Variants in XKR4 observed in about 807,000 individuals in gnomAD.
The protein encoded by XKR4 is XK related 4, also known as XK-related protein 4.
Under a neutral mutation model 53.9 loss-of-function variants are expected in XKR4, and 12 were observed. The observed-to-expected ratio is 0.22, with a 90% confidence interval of 0.14 to 0.36. The LOEUF (loss-of-function observed/expected upper bound fraction) is 0.36. Among genes scored for constraint, XKR4 ranks in the 10% least tolerant of loss-of-function variants. XKR4 has a pLI of 1.00. For synonymous variants in XKR4, 354 were observed against 362.4 expected (o/e 0.98, Z 0.26); for missense variants, 799 against 859.5 (o/e 0.93, Z 0.88).
In XKR4 at chr8:55,438,552, T is replaced by C. The variant is rs150294585; in HGVS notation, c.1006+80675T>C. 1.7e-3 allele frequency among the ~76,000 whole-genome samples: 231 copies of C among 133,876 alleles called. 4 individuals are homozygous for C. The East Asian group carries it at 0.044, about 26-fold the overall frequency. 87.8% of individuals were successfully genotyped at this position (133,876 alleles called of 152,430 possible). A position where few individuals can be genotyped will look rare whatever the true frequency, so the allele number is the denominator to read the frequency against. On this transcript the variant is annotated intron_variant, in intron 2 of 2. Coordinates refer to ENST00000327381, the MANE Select transcript of XKR4 (RefSeq NM_052898.2). Reference sequence around the variant, plus strand: ...TAGCAGTGAGCCGAGATTGTGCCACTGCACTCCAGCCTAGGTGACAGAGCA... The same window carrying C: ...TAGCAGTGAGCCGAGATTGTGCCACCGCACTCCAGCCTAGGTGACAGAGCA...
intron 2 of XKR4, among the ~76,000 whole-genome samples, chr8:55,477,433 A>T (rs1806011573): frequency 1.3e-5 from 2 of 152,146 alleles, no homozygotes; most frequent in African/African-American, 4.8e-5. Context: ...GACCAAAAGT[A>T]GATAAAACCA....
chr8:55,161,674 G>T, intron 1 of XKR4: 1 of 454,734 alleles, frequency 2.2e-6, no homozygotes, highest in Non-Finnish European at 4.4e-6. Flanking sequence ...GTGTTTAGAA[G>T]TACCTGGTAC....
chr8:55,308,387 C>T (rs112482406), intron 1 of XKR4, among the ~76,000 whole-genome samples: 101 of 151,828 alleles, frequency 6.7e-4, no homozygotes, highest in African/African-American at 2.3e-3. Flanking sequence ...TGGTGGAAGG[C>T]AAAACAGTCA....
At chr8:55,169,563 A>G (rs1421083021) in intron 1 of XKR4, among the ~76,000 whole-genome samples, 2 of 152,200 alleles carry the variant, frequency 1.3e-5, no homozygotes, top group Non-Finnish European at 2.9e-5. Flanking sequence ...ATGTAGGGGT[A>G]CCAGGTTGGC....
At chr8:55,427,914 T>C (rs1464591291) in intron 2 of XKR4, among the ~76,000 whole-genome samples, 2 of 152,184 alleles carry the variant, frequency 1.3e-5, no homozygotes, top group Admixed American at 6.5e-5. Flanking sequence ...GATGAGCTCA[T>C]TGAGACCAAC....
At chr8:55,205,703 C>T (rs1056872027) in intron 1 of XKR4, among the ~76,000 whole-genome samples, 1 of 152,082 alleles carries the variant, frequency 6.6e-6, no homozygotes, top group Non-Finnish European at 1.5e-5. Flanking sequence ...TTTGATAAAA[C>T]ATTAGATGTG....
At chr8:55,300,642 G>C (rs1819178928) in intron 1 of XKR4, among the ~76,000 whole-genome samples, 1 of 152,134 alleles carries the variant, frequency 6.6e-6, no homozygotes, top group African/African-American at 2.4e-5. Context: ...CTTACACAAG[G>C]GGGAGGAGCA....
intron 1 of XKR4, among the ~76,000 whole-genome samples, chr8:55,253,610 G>A (rs1408535079): frequency 1.3e-5 from 2 of 152,186 alleles, no homozygotes; most frequent in Non-Finnish European, 2.9e-5. Flanking sequence ...TTTAATGCAG[G>A]CAGCAAGTCA....
intron 2 of XKR4, among the ~76,000 whole-genome samples, chr8:55,464,085 C>T (rs1363167119): frequency 2.0e-5 from 3 of 152,198 alleles, no homozygotes; most frequent in Admixed American, 1.3e-4. Context: ...GAAACTATTC[C>T]AATCTATAGA....
At chr8:55,231,558 C>T (rs1818041432) in intron 1 of XKR4, among the ~76,000 whole-genome samples, 1 of 152,148 alleles carries the variant, frequency 6.6e-6, no homozygotes, top group South Asian at 2.1e-4. Context: ...CCATCCTTCC[C>T]ACACAACTAA....
chr8:55,308,082 G>A (rs527555314), intron 1 of XKR4, among the ~76,000 whole-genome samples: 28 of 151,934 alleles, frequency 1.8e-4, no homozygotes, highest in African/African-American at 5.8e-4. Flanking sequence ...GTGAAACCCC[G>A]TCTCTACTAA....
Position 55,379,469 on chromosome 8 carries a change from T to G in XKR4, c.1006+21592T>G, listed in dbSNP as rs79793109. ...AAGCTAGAAACATCCTCTTTCCTCA[T>G]GCATTCAACGCGTTTTTGCAGAATG... is the stretch of plus-strand genomic sequence containing the variant. On this transcript the variant is annotated intron_variant, in intron 2 of 2. Transcript: ENST00000327381. Among the ~76,000 whole-genome samples the G allele has an allele frequency of 8.0e-3, 1,225 of 152,366 alleles. 15 individuals carry two copies. The highest frequency in any genetic ancestry group is 0.027 in the African/African-American group (1,143 of 41,580).
chr8:55,534,090 T>A lies in XKR4; in HGVS notation c.*9863T>A, dbSNP rs1398464656. The A allele has an allele frequency of 6.6e-6, 1 of 152,206 alleles. No homozygotes were observed. The highest frequency in any genetic ancestry group is 2.4e-5 in the African/African-American group (1 of 41,442). 9.4% of individuals were successfully genotyped at this position (152,206 alleles called of 1,614,324 possible). On this transcript the variant is annotated 3_prime_UTR_variant, in exon 3 of 3. Coordinates refer to ENST00000327381, the MANE Select transcript of XKR4 (RefSeq NM_052898.2). ...GCACTGTCATCTGTTGAATAATTGATCTGTCTGAGTACAGTTGCTGCTTTT... is the reference window on the plus strand; with the variant it reads ...GCACTGTCATCTGTTGAATAATTGAACTGTCTGAGTACAGTTGCTGCTTTT...
chr8:55,411,545 G>A (rs1804778602), intron 2 of XKR4, among the ~76,000 whole-genome samples: 1 of 152,230 alleles, frequency 6.6e-6, no homozygotes, highest in Admixed American at 6.5e-5. Context: ...AGGTTGGAAT[G>A]TTTCTGCTGG....
At chr8:55,141,413 C>T (rs551025552) in intron 1 of XKR4, among the ~76,000 whole-genome samples, 2 of 152,184 alleles carry the variant, frequency 1.3e-5, no homozygotes, top group African/African-American at 4.8e-5. Flanking sequence ...CTCCTCTGCC[C>T]TCCTCCTCCT....
rs75150749 is a variant in XKR4 at position 55,290,425 on chromosome 8, T to G, written c.807-67253T>G. 3.7e-3 allele frequency among the ~76,000 whole-genome samples: 560 copies of G among 152,220 alleles called. 5 individuals are homozygous for G. Among genetic ancestry groups the G allele is most frequent in the African/African-American group, 0.012 (507 of 41,534 alleles). ...GATTACAGGCACGAGCCACTTTATT[T>G]TATTTTATTTTAAGTTCTGGGATAC... On this transcript the variant is annotated intron_variant, in intron 1 of 2. Coordinates refer to ENST00000327381, the MANE Select transcript of XKR4 (RefSeq NM_052898.2).
chr8:55,385,519 A>G (rs182231575), intron 2 of XKR4, among the ~76,000 whole-genome samples: 285 of 152,316 alleles, frequency 1.9e-3, no homozygotes, highest in Admixed American at 4.4e-3. Flanking sequence ...CTGTATCTAT[A>G]GCTTCTACAG....
chr8:55,259,509 C>G lies in XKR4; in HGVS notation c.807-98169C>G, dbSNP rs114367298. Among the ~76,000 whole-genome samples, 474 of 152,164 alleles carry G rather than the reference C, an allele frequency of 3.1e-3. 1 individual carries two copies. The highest frequency in any genetic ancestry group is 0.011 in the African/African-American group (464 of 41,500). On this transcript the variant is annotated intron_variant, in intron 1 of 2. Coordinates refer to ENST00000327381, the MANE Select transcript of XKR4 (RefSeq NM_052898.2). Reference sequence around the variant, plus strand: ...AGAAGTGGTGAGGTTGGGGTTTGCCCTTCGTTGTAACTGACTCCAGAGCCC... The same window carrying G: ...AGAAGTGGTGAGGTTGGGGTTTGCCGTTCGTTGTAACTGACTCCAGAGCCC...
rs546906060 is a variant in XKR4, at chr8:55,357,445, A to G, written c.807-233A>G. Among the ~76,000 whole-genome samples the G allele has an allele frequency of 3.2e-4, 48 of 152,300 alleles. 1 individual carries two copies. The highest frequency in any genetic ancestry group is 2.3e-3 in the South Asian group (11 of 4,822). On this transcript the variant is annotated intron_variant, in intron 1 of 2. Coordinates refer to ENST00000327381, the MANE Select transcript of XKR4 (RefSeq NM_052898.2). ...CCACCTCACGCTTCTTCATATTGCA[A>G]TTGAGCAGAAGGTCTTTATGAGGAC... is the stretch of plus-strand genomic sequence containing the variant.
Sources: gnomAD v4.1 joint callset for allele counts (sites outside exome capture counted in the v4.1 genomes callset) on GRCh38, gnomAD v4.1.1 for gene constraint, MANE v1.5 for transcripts, NCBI Gene and HGNC (gene_info 2026-07-23, HGNC 2026-07-21) for gene names.